The following APOL4 variants were observed in gnomAD, a reference collection of about 807,000 sequenced individuals.
The protein encoded by APOL4 is apolipoprotein L4.
Under a neutral mutation model 12.1 loss-of-function variants are expected in APOL4, and 14 were observed. That is an observed-to-expected ratio of 1.16 (90% confidence interval 0.76 to 1.81). The LOEUF (loss-of-function observed/expected upper bound fraction) is 1.81, where lower values mean the gene tolerates loss of function less well. APOL4 is among the 40% of genes most tolerant of loss of function. The pLI is 0.00. For missense variants in APOL4, 432 were observed against 423.1 expected (o/e 1.02, Z -0.18); for synonymous variants, 171 against 160.6 (o/e 1.06, Z -0.49).
At position 36,199,388 on chromosome 22, in the gene APOL4, G is replaced by T; in HGVS notation, c.36-12C>A. On this transcript the variant is annotated splice_polypyrimidine_tract_variant and intron_variant, in intron 1 of 3. Coordinates refer to ENST00000683024, the MANE Select transcript of APOL4 (RefSeq NM_001386885.1). ...GGTTTTGCTGCACCCTTGAGGAAGA[G>T]AAAACAAATTGTGGGATTGAATGTG... 6.2e-7 allele frequency: 1 copy of T among 1,614,094 alleles called. No homozygotes were observed. Among genetic ancestry groups the T allele is most frequent in the Non-Finnish European group, 8.5e-7 (1 of 1,179,902 alleles).
At chr22:36,202,474 T>A (rs1459035546), upstream of APOL4, among the ~76,000 whole-genome samples, 3 of 152,296 alleles carry the variant, frequency 2.0e-5, no homozygotes, top group Middle Eastern at 3.4e-3. Context: ...ACGCCTGTAA[T>A]CCCAGCACTT....
At chr22:36,197,811 A>G (rs2014457958) in intron 2 of APOL4, 5 of 1,549,262 alleles carry the variant, frequency 3.2e-6, no homozygotes, top group Admixed American at 2.0e-5. Flanking sequence ...GGACAGGGGG[A>G]GGGGATGGGC....
In APOL4 at chr22:36,199,633, A is replaced by G. The variant is rs1279174632; in HGVS notation, c.36-257T>C. ...CCTGTTGGAGAATGAGGAGAAGATA[A>G]TCAGAGGAGGGGCAGCCATCTGATC... is the stretch of plus-strand genomic sequence containing the variant. On this transcript the variant is annotated intron_variant, in intron 1 of 3. Transcript: ENST00000683024. 4.5e-6 allele frequency: 7 copies of G among 1,552,084 alleles called. No homozygotes were observed. The South Asian group carries it at 7.1e-5, about 16-fold the overall frequency.
intron 2 of APOL4, among the ~76,000 whole-genome samples, chr22:36,198,059 C>A (rs2014465032): frequency 6.6e-6 from 1 of 152,168 alleles, no homozygotes; most frequent in South Asian, 2.1e-4. Context: ...CTTAGTAAAC[C>A]CACAAAGTCA....
intron 2 of APOL4, among the ~76,000 whole-genome samples, chr22:36,195,811 CACACA>C (rs2014398447): frequency 6.7e-6 from 1 of 150,152 alleles, no homozygotes; most frequent in Admixed American, 6.6e-5. Flanking sequence ...CACACACACA[CACACA>C]CCACTGTGAA....
upstream of APOL4, among the ~76,000 whole-genome samples, chr22:36,202,904 G>A (rs2014628643): frequency 6.6e-6 from 1 of 152,092 alleles, no homozygotes; most frequent in Non-Finnish European, 1.5e-5. Flanking sequence ...GAGAGCAGAC[G>A]GGAAGCCAAC....
intron 2 of APOL4, chr22:36,197,587 C>CG (rs1329224082): frequency 3.4e-6 from 5 of 1,478,000 alleles, no homozygotes; most frequent in Admixed American, 2.4e-5. Context: ...CTGTAACCCC[C>CG]CATGAAACTG....
intron 1 of APOL4, among the ~76,000 whole-genome samples, chr22:36,200,745 C>A (rs944275032): frequency 6.6e-6 from 1 of 152,246 alleles, no homozygotes; most frequent in East Asian, 1.9e-4. Context: ...TGTACCAATT[C>A]ACACTCAAAC....
rs182947288 is a variant in APOL4 at position 36,190,418 on chromosome 22, C to T, written c.*657G>A. The T allele has an allele frequency of 6.6e-5, 10 of 152,168 alleles. No homozygotes were observed. The highest frequency in any genetic ancestry group is 1.7e-4 in the African/African-American group (7 of 41,412). The allele number at this position is 152,168 out of a possible 1,614,324, so 9.4% of individuals were successfully genotyped here. On this transcript the variant is annotated 3_prime_UTR_variant, in exon 4 of 4. Transcript: ENST00000683024. ...ACCGGTCTGACCAAAATTTATTAGG[C>T]GGGAATTTCCTCTTCCTAATAAGCC...
intron 2 of APOL4, 33 bp downstream of exon 2, chr22:36,199,297 G>A: frequency 6.2e-7 from 1 of 1,613,962 alleles, no homozygotes; most frequent in Non-Finnish European, 8.5e-7. Context: ...GAGGAGGCGA[G>A]CCTACCAGCA....
At chr22:36,203,151 G>A (rs531465756), upstream of APOL4, among the ~76,000 whole-genome samples, 159 of 152,268 alleles carry the variant, frequency 1.0e-3, no homozygotes, top group African/African-American at 3.6e-3. Flanking sequence ...TTCCTATTGC[G>A]GGATCTGGCC....
At position 36,197,961 on chromosome 22, in the gene APOL4, C is replaced by T; in HGVS notation, c.82+1369G>A. ...CACACCCACCTGTGCCACAGAAGTT[C>T]CATGCTTGCAACAAAACTGCGTGGC... On this transcript the variant is annotated intron_variant, in intron 2 of 3. Coordinates refer to ENST00000683024, the MANE Select transcript of APOL4 (RefSeq NM_001386885.1). 3.0e-6 allele frequency: 4 copies of T among 1,351,774 alleles called. No homozygotes were observed. In the South Asian group the frequency reaches 5.6e-5, roughly 19 times the overall value. The allele number at this position is 1,351,774 out of a possible 1,614,324, so 83.7% of individuals were successfully genotyped here. A position where few individuals can be genotyped will look rare whatever the true frequency, so the allele number is the denominator to read the frequency against.
At chr22:36,192,796 T>C (rs773939699) in intron 3 of APOL4, among the ~76,000 whole-genome samples, 24 of 152,180 alleles carry the variant, frequency 1.6e-4, no homozygotes, top group Non-Finnish European at 2.5e-4. Context: ...TCATCTGCCT[T>C]CCAGAGGAAC....
intron 1 of APOL4, among the ~76,000 whole-genome samples, chr22:36,200,315 T>C (rs1215558407): frequency 6.6e-6 from 1 of 152,248 alleles, no homozygotes; most frequent in Non-Finnish European, 1.5e-5. Context: ...TATTGAGTCA[T>C]GTATACACGC....
In APOL4 at chr22:36,190,856, A is replaced by G. The variant is rs1446755406; in HGVS notation, c.*219T>C. 3.6e-6 allele frequency: 2 copies of G among 549,662 alleles called. No homozygotes were observed. Among genetic ancestry groups the G allele is most frequent in the East Asian group, 3.2e-5 (1 of 30,916 alleles). The allele number at this position is 549,662 out of a possible 1,614,324, so 34.0% of individuals were successfully genotyped here. ...AGGAGATTAAAGTAAAGACAGGCAT[A>G]AGAAATCACAAGGGTATTGATTGGG... On this transcript the variant is annotated 3_prime_UTR_variant, in exon 4 of 4. Coordinates refer to ENST00000683024, the MANE Select transcript of APOL4 (RefSeq NM_001386885.1).
upstream of APOL4, among the ~76,000 whole-genome samples, chr22:36,204,010 C>T (rs1296571113): frequency 6.6e-6 from 1 of 152,198 alleles, no homozygotes; most frequent in Non-Finnish European, 1.5e-5. Flanking sequence ...GGGCCACAGA[C>T]ATGGAGTCCT....
At chr22:36,203,260 G>C (rs1184620054), upstream of APOL4, among the ~76,000 whole-genome samples, 1 of 152,186 alleles carries the variant, frequency 6.6e-6, no homozygotes, top group Admixed American at 6.5e-5. Context: ...CTGGGTCCAG[G>C]GGGGTCACCG....
At chr22:36,203,304 A>G (rs2014637448), upstream of APOL4, among the ~76,000 whole-genome samples, 2 of 152,180 alleles carry the variant, frequency 1.3e-5, no homozygotes, top group African/African-American at 2.4e-5. Context: ...ATATACCAGC[A>G]TTTATTATTC....
At position 36,191,815 on chromosome 22, in the gene APOL4, C is replaced by A; in HGVS notation, c.307G>T (p.Glu103Ter). The A allele has an allele frequency of 6.2e-7, 1 of 1,613,958 alleles. No homozygotes were observed. The highest frequency in any genetic ancestry group is 1.1e-5 in the South Asian group (1 of 91,088). Residue 103 changes from glutamate (E) to a stop codon, truncating the protein, a stop_gained, in exon 4 of 4, where the codon GAG becomes TAG. Coordinates refer to ENST00000683024, the MANE Select transcript of APOL4 (RefSeq NM_001386885.1). LOFTEE classifies it low-confidence loss of function (END_TRUNC). Reference protein sequence around the residue: ...DMQQKEQQFREWFLKEFPQIR... With the variant: ...DMQQKEQQFR ...TGAGGAAACTCTTTCAAAAACCACT[C>A]CCTAAACTGCTGTTCTTTTTGCTGC...
Sources: allele counts gnomAD v4.1 joint callset (sites outside exome capture counted in the v4.1 genomes callset), GRCh38; gene constraint gnomAD v4.1.1; transcripts MANE v1.5; gene names NCBI Gene and HGNC (gene_info 2026-07-23, HGNC 2026-07-21).